GALNT18: variants seen among roughly 807,000 people sequenced by gnomAD.
GALNT18 encodes GalNAc-transferase 18.
In GALNT18, 44 loss-of-function variants were observed where a neutral mutation model predicts 69.5. The ratio of observed to expected loss-of-function variants is 0.63; its 90% CI spans 0.50 to 0.81. The LOEUF is 0.81. Among genes scored for constraint, GALNT18 ranks in the 40% least tolerant of loss-of-function variants. The probability of loss-of-function intolerance (pLI) is 0.00; values close to 1 mark genes in which losing one functional copy is unlikely to be tolerated. For missense variants in GALNT18, 715 were observed against 810.0 expected, an observed-to-expected ratio of 0.88 and a Z score of 1.42; for synonymous variants, 364 against 318.2, an observed-to-expected ratio of 1.14 and a Z score of -1.53.
rs1430622527 is a variant in GALNT18 at position 11,372,039 on chromosome 11, T to C, written c.1092+476A>G. Among the ~76,000 whole-genome samples, 1 of 152,194 alleles carries C rather than the reference T, an allele frequency of 6.6e-6. No homozygotes were observed. Among genetic ancestry groups the C allele is most frequent in the Non-Finnish European group, 1.5e-5 (1 of 68,036 alleles). On this transcript the variant is annotated intron_variant, in intron 6 of 10. Transcript: ENST00000227756. The surrounding 1 kb of genome is among the most constrained non-coding windows in gnomAD (Gnocchi z 4.9). The stretch of plus-strand genomic sequence containing the variant: ...TGCAGTGAGCCTGGCTGCATCTTGC[T>C]GTTTATACACCCTGAGTTTATTTCT...
chr11:11,519,915 G>A (rs1857357980), intron 1 of GALNT18, among the ~76,000 whole-genome samples: 1 of 152,246 alleles, frequency 6.6e-6, no homozygotes, highest in Non-Finnish European at 1.5e-5. Flanking sequence ...ACTGTTCCCA[G>A]TGCCTGACAG....
At chr11:11,580,744 G>A (rs1014773567) in intron 1 of GALNT18, among the ~76,000 whole-genome samples, 1 of 152,240 alleles carries the variant, frequency 6.6e-6, no homozygotes, top group African/African-American at 2.4e-5. Flanking sequence ...CACCATAGCA[G>A]GGCTGCCTCC....
chr11:11,372,376 C>G lies in GALNT18; in HGVS notation c.1092+139G>C. 3.0e-6 allele frequency: 2 copies of G among 674,170 alleles called. No homozygotes were observed. Among genetic ancestry groups the G allele is most frequent in the Non-Finnish European group, 5.1e-6 (2 of 389,026 alleles). The allele number at this position is 674,170 out of a possible 1,614,324, so 41.8% of individuals were successfully genotyped here. ...GGCTCCACCCTGTGTCTTCCCAATC[C>G]CAATCACACACAGGATTCAGGACTG... is the stretch of plus-strand genomic sequence containing the variant. On this transcript the variant is annotated intron_variant, in intron 6 of 10. Coordinates refer to ENST00000227756, the MANE Select transcript of GALNT18 (RefSeq NM_198516.3). This position sits in a 1 kb window ranked among gnomAD's most constrained non-coding sequence, Gnocchi z 4.9.
chr11:11,385,577 G>C (rs1464539808), intron 3 of GALNT18, among the ~76,000 whole-genome samples: 1 of 152,122 alleles, frequency 6.6e-6, no homozygotes, highest in East Asian at 1.9e-4. Flanking sequence ...TTACAGGTGT[G>C]AGCCACCATG....
chr11:11,297,471 G>A (rs1358378239), intron 9 of GALNT18, among the ~76,000 whole-genome samples: 1 of 152,164 alleles, frequency 6.6e-6, no homozygotes, highest in Non-Finnish European at 1.5e-5. Context: ...TTTAACTCCA[G>A]AGCCATATGT....
rs1855610872 is a variant in GALNT18 at position 11,444,830 on chromosome 11, AGAAGTCCC to A, written c.428+3906_428+3913del. ...AGTGTGGAATACAAGCAGCAGGAAC[AGAAGTCCC>A]GAAGAGCAAACTGGAATTCACAAGA... On this transcript the variant is annotated intron_variant, in intron 2 of 10. Coordinates refer to ENST00000227756, the MANE Select transcript of GALNT18 (RefSeq NM_198516.3). The surrounding 1 kb of genome is among the most constrained non-coding windows in gnomAD (Gnocchi z 4.4). Among the ~76,000 whole-genome samples the A allele has an allele frequency of 6.6e-6, 1 of 152,184 alleles. No individual in the cohort carries two copies. The highest frequency in any genetic ancestry group is 2.1e-4 in the South Asian group (1 of 4,830).
intron 8 of GALNT18, among the ~76,000 whole-genome samples, chr11:11,331,214 C>G (rs1473453101): frequency 6.6e-6 from 1 of 152,122 alleles, no homozygotes; most frequent in East Asian, 1.9e-4. Context: ...GAGGTGTTTG[C>G]AGAGATGTGA....
rs1255259269 is a variant in GALNT18, at chr11:11,314,578, T to C, written c.1512+12508A>G. On this transcript the variant is annotated intron_variant, in intron 9 of 10. Coordinates refer to ENST00000227756, the MANE Select transcript of GALNT18 (RefSeq NM_198516.3). This position sits in a 1 kb window ranked among gnomAD's most constrained non-coding sequence, Gnocchi z 5.2. Reference sequence around the variant, plus strand: ...GGCTGGTCTGCCTCTCTTTTGCAACTACCAAAAGAGAAATGGAAATAAGGT... The same window carrying C: ...GGCTGGTCTGCCTCTCTTTTGCAACCACCAAAAGAGAAATGGAAATAAGGT... 1.3e-5 allele frequency among the ~76,000 whole-genome samples: 2 copies of C among 152,102 alleles called. No individual in the cohort carries two copies. The highest frequency in any genetic ancestry group is 2.9e-5 in the Non-Finnish European group (2 of 68,010).
chr11:11,276,122 C>T (rs1205202730), intron 10 of GALNT18, among the ~76,000 whole-genome samples: 2 of 152,122 alleles, frequency 1.3e-5, no homozygotes, highest in Non-Finnish European at 2.9e-5. Context: ...TTGCTTTGGG[C>T]AGTATGGCCA....
intron 8 of GALNT18, among the ~76,000 whole-genome samples, chr11:11,328,846 G>C (rs34376390): frequency 0.3 from 46,062 of 152,024 alleles, 7,325 homozygotes; most frequent in Admixed American, 0.43. Context: ...AGGAAAATCT[G>C]CTAACTGCTG....
rs936303400 is a variant in GALNT18 at position 11,546,308 on chromosome 11, C to T, written c.235+75051G>A. On this transcript the variant is annotated intron_variant, in intron 1 of 10. Transcript: ENST00000227756. This position sits in a 1 kb window ranked among gnomAD's most constrained non-coding sequence, Gnocchi z 5.8. The stretch of plus-strand genomic sequence containing the variant: ...CAACCCAGCCAGGACCTGAGGCCAT[C>T]GGGACTCCCTGTCTTATCCTCCCCA... Among the ~76,000 whole-genome samples the T allele has an allele frequency of 3.3e-5, 5 of 152,140 alleles. No individual in the cohort carries two copies. Among genetic ancestry groups the T allele is most frequent in the African/African-American group, 4.8e-5 (2 of 41,412 alleles).
chr11:11,582,282 G>C lies in GALNT18; in HGVS notation c.235+39077C>G, dbSNP rs903888388. The stretch of plus-strand genomic sequence containing the variant: ...AATGAGAGGCTTCAGAGAGTGGAGG[G>C]AGAAAAGGGCAGGGAGCTGGGCATG... On this transcript the variant is annotated intron_variant, in intron 1 of 10. Coordinates refer to ENST00000227756, the MANE Select transcript of GALNT18 (RefSeq NM_198516.3). This position sits in a 1 kb window ranked among gnomAD's most constrained non-coding sequence, Gnocchi z 5.0. Among the ~76,000 whole-genome samples the C allele has an allele frequency of 3.3e-5, 5 of 152,226 alleles. No homozygotes were observed. Among genetic ancestry groups the C allele is most frequent in the African/African-American group, 1.2e-4 (5 of 41,454 alleles).
chr11:11,294,056 T>C (rs1028188608), intron 9 of GALNT18, among the ~76,000 whole-genome samples: 2 of 152,184 alleles, frequency 1.3e-5, no homozygotes, highest in African/African-American at 4.8e-5. Context: ...CTAAATGATT[T>C]TCTATGGGGA....
At position 11,587,047 on chromosome 11, in the gene GALNT18, G is replaced by C. The variant is rs77750295; in HGVS notation, c.235+34312C>G. ...ATTTCCTCCCATTTTAGAAAAAGCT[G>C]CTTTCCCAAGTTACTTGAGAGATGC... On this transcript the variant is annotated intron_variant, in intron 1 of 10. Coordinates refer to ENST00000227756, the MANE Select transcript of GALNT18 (RefSeq NM_198516.3). The surrounding 1 kb of genome is among the most constrained non-coding windows in gnomAD (Gnocchi z 4.4). Among the ~76,000 whole-genome samples, 5,758 of 152,174 alleles carry C rather than the reference G, an allele frequency of 0.038. 207 individuals carry two copies. The highest frequency in any genetic ancestry group is 0.09 in the African/African-American group (3,744 of 41,502).
intron 1 of GALNT18, among the ~76,000 whole-genome samples, chr11:11,529,842 G>T (rs1857604411): frequency 6.6e-6 from 1 of 152,168 alleles, no homozygotes; most frequent in Non-Finnish European, 1.5e-5. Flanking sequence ...GTGTGTGAGT[G>T]TGTACATGAC....
Position 11,584,787 on chromosome 11 carries a change from AT to A in GALNT18, c.235+36571del, listed in dbSNP as rs150895522. Among the ~76,000 whole-genome samples the A allele has an allele frequency of 0.037, 5,663 of 152,288 alleles. 194 individuals are homozygous for A. Among genetic ancestry groups the A allele is most frequent in the African/African-American group, 0.088 (3,675 of 41,546 alleles). On this transcript the variant is annotated intron_variant, in intron 1 of 10. Transcript: ENST00000227756. This position sits in a 1 kb window ranked among gnomAD's most constrained non-coding sequence, Gnocchi z 4.1. ...CTACGTACTTTTTTCATGAAACACT[AT>A]TTTCACTTAAAAGAACAACTGATGA...
intron 1 of GALNT18, among the ~76,000 whole-genome samples, chr11:11,585,801 G>GTTTTTTTTTTTTTTTTTT (rs57051547): frequency 8.6e-6 from 1 of 115,898 alleles, no homozygotes; most frequent in African/African-American, 3.3e-5. Context: ...TTCTCAATAA[G>GTTTTTTTTTTTTTTTTTT]TTTTTTTTTT....
intron 1 of GALNT18, among the ~76,000 whole-genome samples, chr11:11,574,054 T>C (rs1362910929): frequency 6.6e-6 from 1 of 152,132 alleles, no homozygotes; most frequent in East Asian, 1.9e-4. Flanking sequence ...TGTAGCATCT[T>C]TCAACAATCA....
intron 1 of GALNT18, among the ~76,000 whole-genome samples, chr11:11,527,399 C>A (rs2133937070): frequency 6.6e-6 from 1 of 152,256 alleles, no homozygotes; most frequent in Middle Eastern, 3.4e-3. Context: ...CTGATGCAGT[C>A]AGCTCATTCC....
Sources: allele counts gnomAD v4.1 joint callset (sites outside exome capture counted in the v4.1 genomes callset), GRCh38; gene constraint gnomAD v4.1.1; non-coding constraint Gnocchi (gnomAD v3.1); transcripts MANE v1.5; gene names NCBI Gene and HGNC (gene_info 2026-07-23, HGNC 2026-07-21).